Variants in WTAP observed in about 807,000 individuals in gnomAD.
WTAP encodes pre-mRNA-splicing regulator WTAP.
In WTAP, 8 loss-of-function variants were observed where a neutral mutation model predicts 50.0. That is an observed-to-expected ratio of 0.16 (90% CI 0.09 to 0.29). WTAP has a LOEUF of 0.29. WTAP is among the 10% of genes least tolerant of loss of function. WTAP has a pLI of 1.00. For missense variants in WTAP, 295 were observed against 470.7 expected (o/e 0.63, Z 3.45); for synonymous variants, 194 against 169.0 (o/e 1.15, Z -1.15).
At chr6:159,744,988 A>AT (rs1779489344) in intron 5 of WTAP, 1 of 151,920 alleles carries the variant, frequency 6.6e-6, no homozygotes, top group Non-Finnish European at 1.5e-5. Flanking sequence ...GCCCATTATC[A>AT]TTTTCTCTAC....
At chr6:159,730,739 T>A (rs1317556027) in intron 1 of WTAP, 1 of 152,206 alleles carries the variant, frequency 6.6e-6, no homozygotes, top group African/African-American at 2.4e-5. Flanking sequence ...GCTAGAGTGA[T>A]CTTAAAAGTG....
chr6:159,735,729 A>G (rs544202420), intron 1 of WTAP, among the ~76,000 whole-genome samples: 85 of 152,210 alleles, frequency 5.6e-4, no homozygotes, highest in African/African-American at 1.9e-3. Context: ...ATCCTGGGCG[A>G]CAGAGTGAGA....
chr6:159,727,744 T>A (rs1361110988), intron 1 of WTAP, 41 bp downstream of exon 1: 2 of 981,020 alleles, frequency 2.0e-6, no homozygotes, highest in African/African-American at 3.5e-5. Context: ...GCGGGGGACC[T>A]CCGGGGCCTG....
chr6:159,744,162 C>T (rs1230767428), intron 5 of WTAP, among the ~76,000 whole-genome samples: 4 of 152,266 alleles, frequency 2.6e-5, no homozygotes, highest in Non-Finnish European at 4.4e-5. Context: ...TATCTCTGTT[C>T]TCTTGTCCCC....
intron 3 of WTAP, among the ~76,000 whole-genome samples, chr6:159,741,137 C>T (rs924492012): frequency 6.6e-6 from 1 of 152,168 alleles, no homozygotes; most frequent in African/African-American, 2.4e-5. Flanking sequence ...AGCAGACATT[C>T]AGGGCAGGGT....
rs750355245 is a variant in WTAP, at chr6:159,736,245, C to CTT, written c.-8-4_-8-3dup. On this transcript the variant is annotated splice_polypyrimidine_tract_variant and intron_variant, in intron 1 of 7. Coordinates refer to ENST00000621533, the MANE Select transcript of WTAP (RefSeq NM_001270531.2). ...AATAAATTGAACTTGTTTTCCGCAA[C>CTT]TTTTTTTTTTAGGATTCAAGATGAC... 61 of 1,312,774 alleles carry CTT rather than the reference C, an allele frequency of 4.6e-5. No homozygotes were observed. The highest frequency in any genetic ancestry group is 2.2e-4 in the Admixed American group (11 of 49,630). The allele number at this position is 1,312,774 out of a possible 1,614,324, so 81.3% of individuals were successfully genotyped here.
At chr6:159,751,132 A>G (rs997967217) in intron 6 of WTAP, among the ~76,000 whole-genome samples, 22 of 152,268 alleles carry the variant, frequency 1.4e-4, no homozygotes, top group Non-Finnish European at 4.4e-5. Context: ...ATTATTTCAA[A>G]AACAACTACT....
chr6:159,749,140 T>G, intron 6 of WTAP: 2 of 986,090 alleles, frequency 2.0e-6, no homozygotes, highest in Non-Finnish European at 2.4e-6. Context: ...ATAATCTTAC[T>G]GAGGACTGTA....
Position 159,755,685 on chromosome 6 carries a change from T to G in WTAP, c.*74T>G. ...TACTGTCCAGAAAATTAATGCATAC[T>G]TTTGTCACAATTTGCCTTTTTGTGG... On this transcript the variant is annotated 3_prime_UTR_variant, in exon 8 of 8. Transcript: ENST00000621533. 2 of 1,344,842 alleles carry G rather than the reference T, an allele frequency of 1.5e-6. No homozygotes were observed. The highest frequency in any genetic ancestry group is 2.7e-5 in the East Asian group (1 of 36,572). The allele number at this position is 1,344,842 out of a possible 1,614,324, so 83.3% of individuals were successfully genotyped here. A position where few individuals can be genotyped will look rare whatever the true frequency, so the allele number is the denominator to read the frequency against.
intron 1 of WTAP, 49 bp from the exon 2 acceptor site, chr6:159,736,209 C>G (rs1010492661): frequency 7.0e-6 from 11 of 1,562,314 alleles, no homozygotes; most frequent in Middle Eastern, 1.7e-4. Context: ...TTCCTACTTT[C>G]ACTGGAAGAA....
Position 159,728,180 on chromosome 6 carries a change from G to C in WTAP, c.-9+477G>C, listed in dbSNP as rs1468430403. Among the ~76,000 whole-genome samples, 9 of 152,358 alleles carry C rather than the reference G, an allele frequency of 5.9e-5. 1 individual carries two copies. The South Asian group carries it at 1.7e-3, about 28-fold the overall frequency. ...CTTGTAGACTTCCATTTTTAAATGA[G>C]TATAAGCATTCTGAGGAAAGAAACT... On this transcript the variant is annotated intron_variant, in intron 1 of 7. Transcript: ENST00000621533.
chr6:159,732,646 T>G (rs1778644079), intron 1 of WTAP, among the ~76,000 whole-genome samples: 1 of 151,872 alleles, frequency 6.6e-6, no homozygotes, highest in Non-Finnish European at 1.5e-5. Flanking sequence ...ACCAGCCTGG[T>G]CAACATGGTG....
At chr6:159,743,483 A>G (rs980679237) in intron 4 of WTAP, among the ~76,000 whole-genome samples, 182 bp from the exon 5 acceptor site, 4 of 152,254 alleles carry the variant, frequency 2.6e-5, no homozygotes, top group East Asian at 1.9e-4. Context: ...ATGGAGCACT[A>G]TGACACCATT....
chr6:159,737,738 C>T (rs975479777), intron 2 of WTAP, among the ~76,000 whole-genome samples: 2 of 152,120 alleles, frequency 1.3e-5, no homozygotes, highest in Admixed American at 6.5e-5. Flanking sequence ...GATATACTCC[C>T]GCCTCAGTCT....
At chr6:159,727,172 C>T (rs1023052982), upstream of WTAP, 1 of 1,204,076 alleles carries the variant, frequency 8.3e-7, no homozygotes, top group Non-Finnish European at 1.1e-6. Context: ...GCGCCAGGCT[C>T]CTGGGAAAGG....
At chr6:159,739,266 A>G (rs550062144) in intron 3 of WTAP, among the ~76,000 whole-genome samples, 1 of 152,346 alleles carries the variant, frequency 6.6e-6, no homozygotes, top group African/African-American at 2.4e-5. Flanking sequence ...TAACAAATAT[A>G]TGGCTTGTTT....
At chr6:159,744,520 C>T (rs1779452705) in intron 5 of WTAP, among the ~76,000 whole-genome samples, 1 of 76,434 alleles carries the variant, frequency 1.3e-5, no homozygotes, top group Non-Finnish European at 2.8e-5. Context: ...AATCTATGGG[C>T]ACAGTCCTGT....
chr6:159,744,919 A>ATCC (rs1779483870), intron 5 of WTAP, among the ~76,000 whole-genome samples: 2 of 152,130 alleles, frequency 1.3e-5, no homozygotes, highest in African/African-American at 2.4e-5. Context: ...TACTTTGGCA[A>ATCC]TCCTTACTCC....
intron 3 of WTAP, among the ~76,000 whole-genome samples, chr6:159,740,765 G>T (rs746076668): frequency 6.7e-6 from 1 of 148,648 alleles, no homozygotes; most frequent in Non-Finnish European, 1.5e-5. Flanking sequence ...ATGCAGTTGC[G>T]CGATCTCGGC....
Sources: gnomAD v4.1 joint callset for allele counts (sites outside exome capture counted in the v4.1 genomes callset) on GRCh38, gnomAD v4.1.1 for gene constraint, MANE v1.5 for transcripts, NCBI Gene and HGNC (gene_info 2026-07-23, HGNC 2026-07-21) for gene names.